Variants in GALNT13 observed in about 807,000 individuals in gnomAD.
The protein encoded by GALNT13 is UDP-GalNAc:polypeptide N-acetylgalactosaminyltransferase 13.
GALNT13 carries 28 observed loss-of-function variants against 64.2 expected under a neutral mutation model. The ratio of observed to expected loss-of-function variants is 0.44; its 90% confidence interval spans 0.32 to 0.60. The LOEUF (loss-of-function observed/expected upper bound fraction) is 0.60. Among genes scored for constraint, GALNT13 ranks in the 20% least tolerant of loss-of-function variants. The pLI is 0.05. For synonymous variants in GALNT13, 214 were observed against 224.6 expected, an observed-to-expected ratio of 0.95 and a Z score of 0.42; for missense variants, 577 against 669.8, an observed-to-expected ratio of 0.86 and a Z score of 1.53.
At chr2:153,162,643 A>G in the GALNT13 span, among the ~76,000 whole-genome samples, 2 of 152,226 alleles carry the variant, frequency 1.3e-5, no homozygotes, top group African/African-American at 4.8e-5. Flanking sequence ...TTTTTCTAGT[A>G]ACATATGCTA....
chr2:154,072,301 G>A (rs567996623), intron 3 of GALNT13, among the ~76,000 whole-genome samples: 1 of 152,202 alleles, frequency 6.6e-6, no homozygotes, highest in Non-Finnish European at 1.5e-5. Flanking sequence ...AAGAGTGATA[G>A]CATGAACATG....
intron 3 of GALNT13, among the ~76,000 whole-genome samples, chr2:153,969,331 T>A (rs1053760140): frequency 1.3e-5 from 2 of 152,010 alleles, no homozygotes. Context: ...TAGAAAAACT[T>A]AAAAATTTTT....
chr2:153,199,793 C>G, the GALNT13 span, among the ~76,000 whole-genome samples: 7 of 152,144 alleles, frequency 4.6e-5, no homozygotes, highest in African/African-American at 1.7e-4. Context: ...TAAAGACTTT[C>G]ATTTATAGGC....
At chr2:153,915,879 CTT>C (rs1372927468) in intron 2 of GALNT13, among the ~76,000 whole-genome samples, 3 of 152,132 alleles carry the variant, frequency 2.0e-5, no homozygotes, top group African/African-American at 7.2e-5. Flanking sequence ...CCTGGAAACT[CTT>C]TCTTATATTT....
At chr2:153,321,315 A>G in the GALNT13 span, among the ~76,000 whole-genome samples, 1 of 152,200 alleles carries the variant, frequency 6.6e-6, no homozygotes, top group African/African-American at 2.4e-5. Flanking sequence ...GGAGCTTCCC[A>G]ACTGAGTTGC....
At chr2:153,861,073 G>A in the GALNT13 span, among the ~76,000 whole-genome samples, 1 of 152,042 alleles carries the variant, frequency 6.6e-6, no homozygotes, top group Non-Finnish European at 1.5e-5. Flanking sequence ...GAGCATGAAA[G>A]CTTCCTGGAT....
the GALNT13 span, among the ~76,000 whole-genome samples, chr2:153,528,020 G>C: frequency 2.6e-5 from 4 of 151,788 alleles, no homozygotes; most frequent in Admixed American, 2.6e-4. Flanking sequence ...CAAGAAGGGA[G>C]GGGGGACCAC....
chr2:154,384,460 A>G (rs1698414352), intron 9 of GALNT13, among the ~76,000 whole-genome samples: 2 of 151,926 alleles, frequency 1.3e-5, no homozygotes, highest in South Asian at 4.1e-4. Flanking sequence ...ACTGCCATCA[A>G]TTGAAAGATC....
At chr2:154,050,091 T>C (rs1370993846) in intron 3 of GALNT13, among the ~76,000 whole-genome samples, 1 of 152,186 alleles carries the variant, frequency 6.6e-6, no homozygotes, top group African/African-American at 2.4e-5. Context: ...ACTTTCTTTC[T>C]CTTTGTCCTG....
At chr2:154,076,885 T>C (rs1483354767) in intron 3 of GALNT13, among the ~76,000 whole-genome samples, 1 of 151,672 alleles carries the variant, frequency 6.6e-6, no homozygotes, top group African/African-American at 2.4e-5. Context: ...CAATGCACAC[T>C]AAGTTTCTGA....
At chr2:153,419,101 G>T in the GALNT13 span, among the ~76,000 whole-genome samples, 1 of 152,166 alleles carries the variant, frequency 6.6e-6, no homozygotes, top group Non-Finnish European at 1.5e-5. Flanking sequence ...AATTTTTGAA[G>T]GAAAGAGGTT....
At chr2:154,025,076 A>G (rs549075215) in intron 3 of GALNT13, among the ~76,000 whole-genome samples, 9 of 152,256 alleles carry the variant, frequency 5.9e-5, no homozygotes, top group Admixed American at 5.9e-4. Flanking sequence ...AGGAGTACCC[A>G]GCCGTGTAAG....
At chr2:154,086,327 A>G (rs1701524402) in intron 3 of GALNT13, among the ~76,000 whole-genome samples, 3 of 148,188 alleles carry the variant, frequency 2.0e-5, no homozygotes, top group East Asian at 3.9e-4. Flanking sequence ...TATATGTTAT[A>G]CATATTATAT....
rs185150930 is a variant in GALNT13, at chr2:154,364,397, G to A, written c.1157-31594G>A. ...TCATCAAAATCTGATGATTACGGAAGACTGGCTTTACAAGTTCAAGGGAGA... is the reference window on the plus strand; with the variant it reads ...TCATCAAAATCTGATGATTACGGAAAACTGGCTTTACAAGTTCAAGGGAGA... On this transcript the variant is annotated intron_variant, in intron 9 of 12. Coordinates refer to ENST00000392825, the MANE Select transcript of GALNT13 (RefSeq NM_052917.4). 5.3e-5 allele frequency among the ~76,000 whole-genome samples: 8 copies of A among 152,222 alleles called. No homozygotes were observed. The East Asian group carries it at 1.6e-3, about 30-fold the overall frequency.
chr2:154,301,610 T>A (rs1693445942), intron 9 of GALNT13, 21 bp downstream of exon 9: 1 of 1,537,690 alleles, frequency 6.5e-7, no homozygotes, highest in South Asian at 1.1e-5. Context: ...CTGACATTTT[T>A]CTTTCTCTAC....
At chr2:153,926,993 T>G (rs1474973123) in intron 2 of GALNT13, among the ~76,000 whole-genome samples, 1 of 152,126 alleles carries the variant, frequency 6.6e-6, no homozygotes, top group Non-Finnish European at 1.5e-5. Flanking sequence ...GCAATCATAG[T>G]GCATTCATAA....
the GALNT13 span, among the ~76,000 whole-genome samples, chr2:153,272,134 C>T: frequency 8.5e-5 from 13 of 152,070 alleles, no homozygotes; most frequent in Non-Finnish European, 1.9e-4. Context: ...AAGACTTAAA[C>T]ATAAGACCTA....
intron 4 of GALNT13, among the ~76,000 whole-genome samples, chr2:154,216,827 T>TG (rs1688070252): frequency 1.6e-5 from 2 of 125,122 alleles, no homozygotes; most frequent in Non-Finnish European, 3.5e-5. Context: ...TTTTTTTTTT[T>TG]GAGACAGGGT....
At chr2:153,342,861 T>A in the GALNT13 span, among the ~76,000 whole-genome samples, 1 of 152,296 alleles carries the variant, frequency 6.6e-6, no homozygotes, top group Middle Eastern at 3.4e-3. Flanking sequence ...CACATCACCA[T>A]TACACATAGA....
Sources: allele counts gnomAD v4.1 joint callset (sites outside exome capture counted in the v4.1 genomes callset), GRCh38; gene constraint gnomAD v4.1.1; transcripts MANE v1.5; gene names NCBI Gene and HGNC (gene_info 2026-07-23, HGNC 2026-07-21).